USP37: variants seen among roughly 807,000 people sequenced by gnomAD.
USP37 encodes ubiquitin specific peptidase 37.
In USP37, 27 loss-of-function variants were observed where a neutral mutation model predicts 124.0. That is an observed-to-expected ratio of 0.22 (90% CI 0.16 to 0.30). The LOEUF is 0.30. USP37 is among the 10% of genes least tolerant of loss of function. USP37 has a pLI of 1.00. For missense variants in USP37, 889 were observed against 1,140.4 expected, an observed-to-expected ratio of 0.78 and a Z score of 3.17; for synonymous variants, 365 against 388.0, an observed-to-expected ratio of 0.94 and a Z score of 0.70.
At chr2:218,531,090 C>T (rs762411824) in intron 9 of USP37, among the ~76,000 whole-genome samples, 6 of 152,194 alleles carry the variant, frequency 3.9e-5, no homozygotes, top group Admixed American at 3.3e-4. Flanking sequence ...AAGGTGGCTA[C>T]GTTAAACAAC....
chr2:218,531,889 C>T (rs1479529017), intron 9 of USP37, among the ~76,000 whole-genome samples: 1 of 152,204 alleles, frequency 6.6e-6, no homozygotes, highest in African/African-American at 2.4e-5. Flanking sequence ...ATCTCATGAT[C>T]AGACTTTAAT....
At chr2:218,532,928 CA>C (rs201796516) in intron 9 of USP37, among the ~76,000 whole-genome samples, 111 of 138,632 alleles carry the variant, frequency 8.0e-4, no homozygotes, top group Middle Eastern at 7.3e-3. Context: ...GACCCTATCT[CA>C]AAAAAAAAAA....
chr2:218,509,509 G>A (rs1010421129), intron 11 of USP37, among the ~76,000 whole-genome samples: 1 of 152,012 alleles, frequency 6.6e-6, no homozygotes, highest in Non-Finnish European at 1.5e-5. Flanking sequence ...AGCACTTTGG[G>A]AGGCTGAGGA....
intron 18 of USP37, 94 bp from the exon 19 acceptor site, chr2:218,477,075 C>A (rs558116669): frequency 7.0e-6 from 9 of 1,292,950 alleles, no homozygotes; most frequent in Admixed American, 3.5e-5. Context: ...TTTTCCATTA[C>A]GGAAAATTAC....
intron 10 of USP37, among the ~76,000 whole-genome samples, chr2:218,529,401 G>A (rs1691177380): frequency 6.6e-6 from 1 of 151,060 alleles, no homozygotes; most frequent in African/African-American, 2.4e-5. Flanking sequence ...GGAGGCTGAG[G>A]CAAGGCTGCA....
chr2:218,458,038 T>TA (rs1689787760), intron 23 of USP37, among the ~76,000 whole-genome samples: 4 of 39,454 alleles, frequency 1.0e-4, no homozygotes, highest in South Asian at 9.5e-4. Flanking sequence ...AGACTCTGTC[T>TA]CAAAAAAAAA....
rs1019248528 is a variant in USP37 at position 218,560,960 on chromosome 2, T to C, written c.-88-77A>G. The C allele has an allele frequency of 2.0e-5, 3 of 152,346 alleles. No homozygotes were observed. The East Asian group carries it at 5.8e-4, about 29-fold the overall frequency. The allele number at this position is 152,346 out of a possible 1,614,324, so 9.4% of individuals were successfully genotyped here. On this transcript the variant is annotated intron_variant, in intron 2 of 25. Transcript: ENST00000258399. ...AAGTATCATAAGTACTCTATTATTA[T>C]TCACTCATCTCATCAAAAATTTTTA... is the stretch of plus-strand genomic sequence containing the variant.
chr2:218,506,203 A>G (rs953183695), intron 11 of USP37, among the ~76,000 whole-genome samples: 1 of 150,894 alleles, frequency 6.6e-6, no homozygotes, highest in African/African-American at 2.4e-5. Flanking sequence ...TCAATGCTTT[A>G]ATCTTCTTCT....
Position 218,546,221 on chromosome 2 carries a change from G to A in USP37, c.680C>T (p.Ser227Leu), listed in dbSNP as rs1030110523. 1.4e-5 allele frequency: 23 copies of A among 1,610,476 alleles called. No homozygotes were observed. The highest frequency in any genetic ancestry group is 1.2e-4 in the Admixed American group (7 of 59,650). ...TATAAAGGCCCTTAAAGTAACTTAC[G>A]ATGATGAATCATTTTCCTTAGGGTA... ...EDYPKENDSS[S>L]NNKAMTDPSR... is the part of the protein sequence containing the mutation. Residue 227 changes from serine (S) to leucine (L), a missense_variant and splice_region_variant, in exon 8 of 26, where the codon TCG (serine) becomes TTG (leucine). Physicochemically the swap from Ser to Leu is moderately radical, Grantham distance 145. This residue lies in a region of USP37 where 374 missense variants were observed against 386.0 expected (regional missense o/e 0.97). Transcript: ENST00000258399.
intron 11 of USP37, among the ~76,000 whole-genome samples, chr2:218,509,127 A>G (rs1170911936): frequency 6.6e-6 from 1 of 152,222 alleles, no homozygotes; most frequent in Non-Finnish European, 1.5e-5. Context: ...GAAAAAAGAG[A>G]AACCTTATGC....
intron 2 of USP37, among the ~76,000 whole-genome samples, chr2:218,561,651 A>AG (rs781185041): frequency 0.067 from 5,607 of 83,540 alleles, 145 homozygotes; most frequent in Non-Finnish European, 0.085. Flanking sequence ...ACTCTGTCTC[A>AG]GAAAAAAAAA....
At chr2:218,500,167 C>T (rs1689297933) in intron 11 of USP37, among the ~76,000 whole-genome samples, 1 of 152,244 alleles carries the variant, frequency 6.6e-6, no homozygotes, top group Admixed American at 6.5e-5. Context: ...CTCTGCCTCC[C>T]GGGTTCAAGC....
intron 6 of USP37, among the ~76,000 whole-genome samples, chr2:218,549,063 T>A (rs563487602): frequency 6.6e-6 from 1 of 152,202 alleles, no homozygotes; most frequent in South Asian, 2.1e-4. Context: ...TGCTTCTGGA[T>A]AGGGATCAGA....
intron 4 of USP37, among the ~76,000 whole-genome samples, chr2:218,558,156 A>C (rs1204231408): frequency 6.6e-6 from 1 of 152,086 alleles, no homozygotes; most frequent in Non-Finnish European, 1.5e-5. Flanking sequence ...ATAGTGATGA[A>C]TCCATCGTCA....
chr2:218,460,808 G>A (rs996606493), intron 22 of USP37, among the ~76,000 whole-genome samples: 77 of 152,210 alleles, frequency 5.1e-4, no homozygotes, highest in South Asian at 1.5e-3. Context: ...AGGTGTGGTG[G>A]CGCACACCAG....
At position 218,472,080 on chromosome 2, in the gene USP37, C is replaced by T. The variant is rs751687048; in HGVS notation, c.2299+2550G>A. Among the ~76,000 whole-genome samples, 50 of 151,788 alleles carry T rather than the reference C, an allele frequency of 3.3e-4. 1 individual carries two copies. Among genetic ancestry groups the T allele is most frequent in the Non-Finnish European group, 2.5e-4 (17 of 67,934 alleles). ...AAGATTAGCTGGGATGGCTAGATAT[C>T]CTCTTTCTTTTGGTGATCTCAAGAG... On this transcript the variant is annotated intron_variant, in intron 20 of 25. Transcript: ENST00000258399.
chr2:218,543,143 A>G (rs1478547785), intron 8 of USP37, among the ~76,000 whole-genome samples: 1 of 152,196 alleles, frequency 6.6e-6, no homozygotes, highest in African/African-American at 2.4e-5. Context: ...TATTGCTTTC[A>G]ACAAGGTCCT....
chr2:218,487,673 C>A (rs375712190), intron 15 of USP37, among the ~76,000 whole-genome samples: 10 of 152,176 alleles, frequency 6.6e-5, no homozygotes, highest in Middle Eastern at 3.4e-3. Flanking sequence ...CCTGCCTTGG[C>A]CTCCCAAAGT....
intron 5 of USP37, among the ~76,000 whole-genome samples, chr2:218,553,297 T>C (rs1012828683): frequency 7.2e-5 from 11 of 152,218 alleles, no homozygotes; most frequent in Non-Finnish European, 1.5e-4. Flanking sequence ...TGAAAGAGTG[T>C]TGGATTTTGT....
Sources: gnomAD v4.1 joint callset for allele counts (sites outside exome capture counted in the v4.1 genomes callset) on GRCh38, gnomAD v4.1.1 for gene constraint, gnomAD v4.1.1 regional missense constraint, MANE v1.5 for transcripts, NCBI Gene and HGNC (gene_info 2026-07-23, HGNC 2026-07-21) for gene names.